The following RBFOX3 variants were observed in gnomAD, a reference collection of about 807,000 sequenced individuals.
The protein encoded by RBFOX3 is RNA binding protein fox-1 homolog 3.
In RBFOX3, 17 loss-of-function variants were observed where a neutral mutation model predicts 48.7. The observed-to-expected ratio is 0.35, with a 90% CI of 0.24 to 0.52. The LOEUF (loss-of-function observed/expected upper bound fraction) is 0.52. Ranked by LOEUF, RBFOX3 falls within the 20% of genes least tolerant of loss-of-function variation. The pLI, the probability that RBFOX3 is intolerant of heterozygous loss-of-function variation, is 0.94. For synonymous variants in RBFOX3, 212 were observed against 209.5 expected, an observed-to-expected ratio of 1.01 and a Z score of -0.10; for missense variants, 382 against 497.5, an observed-to-expected ratio of 0.77 and a Z score of 2.21.
At chr17:79,146,221 C>T (rs891233939) in intron 4 of RBFOX3, among the ~76,000 whole-genome samples, 5 of 152,294 alleles carry the variant, frequency 3.3e-5, no homozygotes, top group African/African-American at 9.6e-5. Context: ...AGACCCCTGA[C>T]GTAGGTTGTC....
rs1332801107 is a variant in RBFOX3, at chr17:79,158,446, G to C, written c.-33-42698C>G. Among the ~76,000 whole-genome samples the C allele has an allele frequency of 2.0e-5, 3 of 152,338 alleles. No individual in the cohort carries two copies. In the East Asian group the frequency reaches 5.8e-4, roughly 29 times the overall value. Reference sequence around the variant, plus strand: ...ATGTGAAGAGCCTGGAGCAGGCTGAGCAGGGGCACTGCAAACCTGCTCCTG... The same window carrying C: ...ATGTGAAGAGCCTGGAGCAGGCTGACCAGGGGCACTGCAAACCTGCTCCTG... On this transcript the variant is annotated intron_variant, in intron 4 of 14. Transcript: ENST00000693108.
At chr17:79,182,563 G>A (rs2052304385) in intron 4 of RBFOX3, among the ~76,000 whole-genome samples, 2 of 151,294 alleles carry the variant, frequency 1.3e-5, no homozygotes, top group African/African-American at 4.9e-5. Flanking sequence ...CGGCGGGCAG[G>A]CGGCTGCTGA....
chr17:79,300,844 T>C (rs2075201497), intron 3 of RBFOX3, among the ~76,000 whole-genome samples: 1 of 152,138 alleles, frequency 6.6e-6, no homozygotes. Context: ...CTAGAAAAGA[T>C]GAATGGGTCT....
intron 1 of RBFOX3, among the ~76,000 whole-genome samples, chr17:79,547,748 G>A (rs1211957958): frequency 6.6e-6 from 1 of 152,214 alleles, no homozygotes; most frequent in Non-Finnish European, 1.5e-5. Flanking sequence ...GGGGGAGGAC[G>A]CGGGACTTTA....
At chr17:79,293,412 CT>C (rs2073747109) in intron 3 of RBFOX3, among the ~76,000 whole-genome samples, 1 of 6,380 alleles carries the variant, frequency 1.6e-4, no homozygotes, top group Admixed American at 2.3e-3. Flanking sequence ...CCCTCCACCC[CT>C]TCCTTCCTTC....
chr17:79,589,089 G>T (rs2093343459), intron 1 of RBFOX3, among the ~76,000 whole-genome samples: 1 of 152,224 alleles, frequency 6.6e-6, no homozygotes, highest in African/African-American at 2.4e-5. Context: ...AGTTCTTTCA[G>T]GGCATAGCAG....
At chr17:79,624,137 G>A in the RBFOX3 span, among the ~76,000 whole-genome samples, 2 of 152,296 alleles carry the variant, frequency 1.3e-5, no homozygotes, top group East Asian at 3.9e-4. Flanking sequence ...TAAGCCACTA[G>A]GTTTGTTGCA....
the RBFOX3 span, among the ~76,000 whole-genome samples, chr17:79,637,722 C>T: frequency 0.035 from 3,645 of 104,494 alleles, 175 homozygotes; most frequent in African/African-American, 0.14. Flanking sequence ...GGAGCGAAGG[C>T]GAAGGGAAGG....
rs78677127 is a variant in RBFOX3 at position 79,445,604 on chromosome 17, G to T, written c.-175+36850C>A. On this transcript the variant is annotated intron_variant, in intron 2 of 14. Coordinates refer to ENST00000693108, the MANE Select transcript of RBFOX3 (RefSeq NM_001350451.2). ...TGTGATTTCCCTTCCTTGCTGTGCC[G>T]AGCTCAGAGCCCACAAAAAGCATCT... Among the ~76,000 whole-genome samples the T allele has an allele frequency of 1.2e-3, 186 of 152,242 alleles. 5 individuals are homozygous for T. The East Asian group carries it at 0.035, about 29-fold the overall frequency.
At chr17:79,282,877 ACCCTCAGCTCTGCCTGGTACCTGCAAAG>A (rs2070909073) in intron 3 of RBFOX3, among the ~76,000 whole-genome samples, 1 of 152,128 alleles carries the variant, frequency 6.6e-6, no homozygotes, top group Non-Finnish European at 1.5e-5. Context: ...AACAAGACTG[ACCCTCAGCTCTGCCTGGTACCTGCAAAG>A]CAGCAGCATC....
intron 2 of RBFOX3, among the ~76,000 whole-genome samples, chr17:79,370,861 C>T (rs568662485): frequency 6.6e-6 from 1 of 152,382 alleles, no homozygotes; most frequent in Non-Finnish European, 1.5e-5. Context: ...CACACACATG[C>T]TTCTCTGGGT....
chr17:79,553,275 C>T (rs957889045), intron 1 of RBFOX3, among the ~76,000 whole-genome samples: 4 of 152,152 alleles, frequency 2.6e-5, no homozygotes, highest in African/African-American at 9.7e-5. Context: ...ATTATATAAA[C>T]AGATTTCTTC....
intron 2 of RBFOX3, among the ~76,000 whole-genome samples, chr17:79,378,626 C>T (rs972591653): frequency 3.3e-5 from 5 of 152,004 alleles, no homozygotes; most frequent in Non-Finnish European, 7.4e-5. Flanking sequence ...GTGTGGGGGG[C>T]CCGGAAAAAG....
chr17:79,174,426 A>G (rs760023421), intron 4 of RBFOX3, among the ~76,000 whole-genome samples: 4 of 151,642 alleles, frequency 2.6e-5, no homozygotes, highest in Non-Finnish European at 4.4e-5. Context: ...ACATGCACTC[A>G]CACACACTGA....
chr17:79,114,753 G>C (rs1329044832), intron 5 of RBFOX3, among the ~76,000 whole-genome samples: 1 of 152,190 alleles, frequency 6.6e-6, no homozygotes, highest in Non-Finnish European at 1.5e-5. Context: ...CCCAGAGCAG[G>C]GGCAGGGGAG....
chr17:79,506,176 G>A (rs1413075508), intron 1 of RBFOX3, among the ~76,000 whole-genome samples: 6 of 152,346 alleles, frequency 3.9e-5, no homozygotes, highest in East Asian at 1.9e-4. Context: ...TTCGCAAAGG[G>A]AATGCCCCCG....
At chr17:79,524,515 T>C (rs1452957502) in intron 1 of RBFOX3, among the ~76,000 whole-genome samples, 3 of 152,176 alleles carry the variant, frequency 2.0e-5, no homozygotes, top group African/African-American at 7.2e-5. Flanking sequence ...ATGACTACCT[T>C]GAATCTGTGG....
Position 79,390,835 on chromosome 17 carries a change from C to T in RBFOX3, c.-174-83011G>A, listed in dbSNP as rs1247034860. ...CGCATGGAGCATCTGAGAGTTGAGGCAGCGGAACCCCTCACCAGGAGGCAC... is the reference window on the plus strand; with the variant it reads ...CGCATGGAGCATCTGAGAGTTGAGGTAGCGGAACCCCTCACCAGGAGGCAC... On this transcript the variant is annotated intron_variant, in intron 2 of 14. Transcript: ENST00000693108. This position sits in a 1 kb window ranked among gnomAD's most constrained non-coding sequence, Gnocchi z 4.2. 6.6e-6 allele frequency among the ~76,000 whole-genome samples: 1 copy of T among 152,208 alleles called. No individual in the cohort carries two copies. The highest frequency in any genetic ancestry group is 2.4e-5 in the African/African-American group (1 of 41,462).
chr17:79,650,714 A>G, the RBFOX3 span, among the ~76,000 whole-genome samples: 1 of 151,950 alleles, frequency 6.6e-6, no homozygotes, highest in African/African-American at 2.4e-5. Context: ...CTCCCCAGAG[A>G]ACAGACCTAT....
Sources: allele counts gnomAD v4.1 joint callset (sites outside exome capture counted in the v4.1 genomes callset), GRCh38; gene constraint gnomAD v4.1.1; non-coding constraint Gnocchi (gnomAD v3.1); transcripts MANE v1.5; gene names NCBI Gene and HGNC (gene_info 2026-07-23, HGNC 2026-07-21).